EMILIN2: variants seen among roughly 807,000 people sequenced by gnomAD.
EMILIN2 encodes the protein EMILIN-2.
Under a neutral mutation model 87.1 loss-of-function variants are expected in EMILIN2, and 71 were observed. That is an observed-to-expected ratio of 0.82 (90% CI 0.67 to 0.99). The LOEUF (loss-of-function observed/expected upper bound fraction) is 0.99. Among genes scored for constraint, EMILIN2 ranks in the 50% least tolerant of loss-of-function variants. The pLI is 0.00. For missense variants in EMILIN2, 1,407 were observed against 1,371.8 expected (o/e 1.03, Z -0.40); for synonymous variants, 581 against 563.4 (o/e 1.03, Z -0.44).
chr18:2,886,620 A>T (rs1461359662), intron 3 of EMILIN2, among the ~76,000 whole-genome samples: 3 of 152,120 alleles, frequency 2.0e-5, no homozygotes, highest in African/African-American at 7.2e-5. Context: ...GTTAGACCAT[A>T]TTCTTTATTT....
At chr18:2,883,448 T>C (rs1434870107) in intron 2 of EMILIN2, among the ~76,000 whole-genome samples, 1 of 152,148 alleles carries the variant, frequency 6.6e-6, no homozygotes, top group Non-Finnish European at 1.5e-5. Context: ...CAGCTGCTGG[T>C]GCTGGTGTAA....
chr18:2,872,155 A>C (rs1032826614), intron 2 of EMILIN2, among the ~76,000 whole-genome samples: 1 of 152,202 alleles, frequency 6.6e-6, no homozygotes, highest in African/African-American at 2.4e-5. Flanking sequence ...CTGACGGCTC[A>C]AGAAAGGCCG....
At chr18:2,899,568 A>G (rs368619396) in intron 4 of EMILIN2, among the ~76,000 whole-genome samples, 7 of 151,804 alleles carry the variant, frequency 4.6e-5, no homozygotes, top group African/African-American at 1.7e-4. Flanking sequence ...GCAGTGGCAC[A>G]ATCTCGGCTC....
At chr18:2,858,549 A>ATATATATATATGTG in intron 2 of EMILIN2, among the ~76,000 whole-genome samples, 1 of 44,168 alleles carries the variant, frequency 2.3e-5, no homozygotes, top group African/African-American at 1.5e-4. Context: ...ATATATATAT[A>ATATATATATATGTG]TATATATATA....
intron 4 of EMILIN2, among the ~76,000 whole-genome samples, chr18:2,899,069 C>T (rs1169887331): frequency 2.9e-5 from 3 of 104,704 alleles, no homozygotes; most frequent in Non-Finnish European, 4.0e-5. Flanking sequence ...GCATAAATGC[C>T]TCTGGGATCT....
chr18:2,912,425 G>A (rs571275802), intron 7 of EMILIN2, among the ~76,000 whole-genome samples: 13 of 152,282 alleles, frequency 8.5e-5, no homozygotes, highest in African/African-American at 2.6e-4. Flanking sequence ...TGTCTGCTGC[G>A]GAGCCCGTGA....
rs559973029 is a variant in EMILIN2, at chr18:2,864,511, T to C, written c.257+16580T>C. Reference sequence around the variant, plus strand: ...GTTTGGCTGGATATGAAATTCTGGGTTGAAAATTCTTTTCTTTAAGAATGT... The same window carrying C: ...GTTTGGCTGGATATGAAATTCTGGGCTGAAAATTCTTTTCTTTAAGAATGT... On this transcript the variant is annotated intron_variant, in intron 2 of 7. Coordinates refer to ENST00000254528, the MANE Select transcript of EMILIN2 (RefSeq NM_032048.3). 6.6e-5 allele frequency among the ~76,000 whole-genome samples: 10 copies of C among 152,354 alleles called. No individual in the cohort carries two copies. The East Asian group carries it at 1.9e-3, about 29-fold the overall frequency.
chr18:2,873,732 A>T (rs2076733877), intron 2 of EMILIN2, among the ~76,000 whole-genome samples: 1 of 152,142 alleles, frequency 6.6e-6, no homozygotes. Context: ...ATAAATAAAA[A>T]TTTAAAAAAT....
Position 2,891,042 on chromosome 18 carries a change from G to C in EMILIN2, c.915G>C (p.Thr305=), listed in dbSNP as rs114420829. 1.2e-6 allele frequency: 2 copies of C among 1,614,186 alleles called. No homozygotes were observed. The highest frequency in any genetic ancestry group is 2.2e-5 in the South Asian group (2 of 91,086). Residue 305 remains threonine, a synonymous_variant, in exon 4 of 8, where the codon ACG becomes ACC. Transcript: ENST00000254528. This position sits in a 1 kb window ranked among gnomAD's most constrained non-coding sequence, Gnocchi z 4.6. ...RQLQEAAQGP[T]VTMTTNELYQ... Reference sequence around the variant, plus strand: ...TCCAGGAAGCAGCTCAGGGCCCGACGGTGACCATGACAACCAACGAACTCT... The same window carrying C: ...TCCAGGAAGCAGCTCAGGGCCCGACCGTGACCATGACAACCAACGAACTCT...
intron 4 of EMILIN2, among the ~76,000 whole-genome samples, chr18:2,900,106 C>T (rs1249302235): frequency 1.3e-5 from 2 of 148,776 alleles, no homozygotes; most frequent in Non-Finnish European, 3.0e-5. Flanking sequence ...ACAACCAACA[C>T]AGTGCTCCCT....
At chr18:2,906,455 C>T (rs1243677829) in intron 4 of EMILIN2, 2 of 222,102 alleles carry the variant, frequency 9.0e-6, no homozygotes, top group African/African-American at 2.3e-5. Flanking sequence ...TTGCGACGCA[C>T]CCGCGGTTTC....
intron 5 of EMILIN2, among the ~76,000 whole-genome samples, chr18:2,907,862 T>C (rs1400507465): frequency 6.6e-6 from 1 of 152,188 alleles, no homozygotes; most frequent in African/African-American, 2.4e-5. Context: ...TCATCTGCCA[T>C]AGATACATGC....
chr18:2,846,687 G>T (rs1037191370), upstream of EMILIN2: 13 of 925,308 alleles, frequency 1.4e-5, no homozygotes, highest in Non-Finnish European at 1.7e-5. This position sits in a 1 kb window ranked among gnomAD's most constrained non-coding sequence, Gnocchi z 5.3. Context: ...ACGCGAGGAC[G>T]GCCAGACTCG....
At chr18:2,877,283 G>C (rs116230669) in intron 2 of EMILIN2, among the ~76,000 whole-genome samples, 1 of 152,040 alleles carries the variant, frequency 6.6e-6, no homozygotes, top group Non-Finnish European at 1.5e-5. Flanking sequence ...CTTTTCCTTC[G>C]ACCTAGTTTT....
chr18:2,870,360 C>T (rs2143991833), intron 2 of EMILIN2, among the ~76,000 whole-genome samples: 1 of 152,300 alleles, frequency 6.6e-6, no homozygotes, highest in Non-Finnish European at 1.5e-5. Flanking sequence ...TCAGAAAGCT[C>T]AACAGGCTTG....
At chr18:2,866,245 C>T (rs1352614320) in intron 2 of EMILIN2, among the ~76,000 whole-genome samples, 1 of 152,220 alleles carries the variant, frequency 6.6e-6, no homozygotes, top group Admixed American at 6.5e-5. Flanking sequence ...GAACCCGATA[C>T]CTCAGTTGGA....
At chr18:2,875,396 C>T (rs774199651) in intron 2 of EMILIN2, among the ~76,000 whole-genome samples, 2 of 152,166 alleles carry the variant, frequency 1.3e-5, no homozygotes, top group Non-Finnish European at 2.9e-5. Flanking sequence ...GACCAGTGTT[C>T]TGTGATTCTG....
intron 2 of EMILIN2, among the ~76,000 whole-genome samples, chr18:2,858,605 GTA>G (rs552199862): frequency 2.3e-5 from 2 of 86,198 alleles, no homozygotes; most frequent in Admixed American, 1.2e-4. Flanking sequence ...ATATATATGT[GTA>G]TATATATATA....
rs1406715241 is a variant in EMILIN2 at position 2,848,327 on chromosome 18, T to C, written c.257+396T>C. Among the ~76,000 whole-genome samples, 2 of 152,182 alleles carry C rather than the reference T, an allele frequency of 1.3e-5. No individual in the cohort carries two copies. Among genetic ancestry groups the C allele is most frequent in the Admixed American group, 1.3e-4 (2 of 15,276 alleles). On this transcript the variant is annotated intron_variant, in intron 2 of 7. Transcript: ENST00000254528. This position sits in a 1 kb window ranked among gnomAD's most constrained non-coding sequence, Gnocchi z 4.1. ...CCAAAATGTATACTGCTAAAGACTA[T>C]TCCGTATAGGATTCGCTGAGAGGTT... is the stretch of plus-strand genomic sequence containing the variant.
Sources: gnomAD v4.1 joint callset for allele counts (sites outside exome capture counted in the v4.1 genomes callset) on GRCh38, gnomAD v4.1.1 for gene constraint, Gnocchi (gnomAD v3.1) non-coding constraint, MANE v1.5 for transcripts, NCBI Gene and HGNC (gene_info 2026-07-23, HGNC 2026-07-21) for gene names.